Variants in SLC6A19 observed in about 807,000 individuals in gnomAD.
SLC6A19 encodes solute carrier family 6 member 19, also known as sodium-dependent neutral amino acid transporter B(0)AT1.
Under a neutral mutation model 68.3 loss-of-function variants are expected in SLC6A19, and 67 were observed. The observed-to-expected ratio is 0.98, with a 90% CI of 0.81 to 1.20. The LOEUF is 1.20. Ranked by LOEUF, SLC6A19 falls within the 50% of genes most tolerant of loss-of-function variation. The pLI is 0.00. For missense variants in SLC6A19, 813 were observed against 851.6 expected, an observed-to-expected ratio of 0.95 and a Z score of 0.56; for synonymous variants, 392 against 374.9, an observed-to-expected ratio of 1.05 and a Z score of -0.53.
intron 2 of SLC6A19, 140 bp from the exon 3 acceptor site, chr5:1,210,304 T>A: frequency 8.1e-7 from 1 of 1,235,130 alleles, no homozygotes; most frequent in East Asian, 2.5e-5. Flanking sequence ...CGGCCTGCAC[T>A]GGGTCGGCCC....
In SLC6A19 at chr5:1,213,990, C is replaced by G; in HGVS notation, c.812C>G (p.Ala271Gly). The change falls in exon 6 of 12, where the codon GCG becomes GGG. Residue 271 changes from alanine to glycine, a missense_variant. By Grantham distance (60) the Ala-to-Gly change is moderately conservative. Coordinates refer to ENST00000304460, the MANE Select transcript of SLC6A19 (RefSeq NM_001003841.3). ...GCCCAGCCGGACACCTGGCTGGACG[C>G]GGGCGCACAGGTCTTCTTCTCCTTC... ...ELAQPDTWLD[A>G]GAQVFFSFSL... 3 of 1,613,572 alleles carry G rather than the reference C, an allele frequency of 1.9e-6. No individual in the cohort carries two copies. The highest frequency in any genetic ancestry group is 2.5e-6 in the Non-Finnish European group (3 of 1,180,000).
At chr5:1,202,022 C>T (rs904716146) in intron 1 of SLC6A19, among the ~76,000 whole-genome samples, 170 bp downstream of exon 1, 6 of 152,192 alleles carry the variant, frequency 3.9e-5, no homozygotes, top group Non-Finnish European at 7.4e-5. Context: ...CCCCCGTGCC[C>T]GGTTCCTAGG....
intron 2 of SLC6A19, among the ~76,000 whole-genome samples, chr5:1,210,037 G>A (rs972674491): frequency 2.6e-5 from 4 of 152,228 alleles, no homozygotes; most frequent in African/African-American, 9.6e-5. Context: ...TTTGGGTCAG[G>A]GCCAAGTGGG....
chr5:1,201,764 G>T lies in SLC6A19; in HGVS notation c.114G>T (p.Lys38Asn). The change falls in exon 1 of 12, where the codon AAG (lysine) becomes AAT (asparagine). Residue 38 changes from lysine (K) to asparagine (N), a missense_variant. By Grantham distance (94) the Lys-to-Asn change is moderately conservative (BLOSUM62 0). Transcript: ENST00000304460. ...EASSRPKWDN[K>N]AQYMLTCLGF... is the part of the protein sequence containing the mutation. ...GCTCCCGGCCGAAGTGGGACAACAA[G>T]GCGCAGTACATGCTCACCTGCCTGG... 3.1e-6 allele frequency: 5 copies of T among 1,612,838 alleles called. No homozygotes were observed. Among genetic ancestry groups the T allele is most frequent in the Non-Finnish European group, 4.2e-6 (5 of 1,179,914 alleles).
rs753555488 is a variant in SLC6A19 at position 1,218,917 on chromosome 5, A to G, written c.1188A>G (p.Thr396=). 18 of 1,613,642 alleles carry G rather than the reference A, an allele frequency of 1.1e-5. No homozygotes were observed. The highest frequency in any genetic ancestry group is 1.5e-5 in the Non-Finnish European group (18 of 1,180,000). Residue 396 remains threonine (T), a synonymous_variant, in exon 9 of 12, where the codon ACA becomes ACG. Coordinates refer to ENST00000304460, the MANE Select transcript of SLC6A19 (RefSeq NM_001003841.3). ...NAFLSEAVEG[T]GLAFIVFTEA... is the part of the protein sequence containing the mutation. Reference sequence around the variant, plus strand: ...CATCCGTGCAGGCCGTGGAGGGCACAGGCCTGGCCTTCATCGTCTTCACCG... The same window carrying G: ...CATCCGTGCAGGCCGTGGAGGGCACGGGCCTGGCCTTCATCGTCTTCACCG...
rs375911265 is a variant in SLC6A19, at chr5:1,211,055, G to A, written c.481+474G>A. On this transcript the variant is annotated intron_variant, in intron 3 of 11. Transcript: ENST00000304460. ...GGAGCGTAGGGGGCAGACCCTCTAC[G>A]TGTGACATGCAATCAGCTCACGGCG... Among the ~76,000 whole-genome samples, 5 of 152,310 alleles carry A rather than the reference G, an allele frequency of 3.3e-5. No homozygotes were observed. In the South Asian group the frequency reaches 8.3e-4, roughly 25 times the overall value.
At chr5:1,218,442 C>G (rs1038401687) in intron 8 of SLC6A19, among the ~76,000 whole-genome samples, 1 of 152,236 alleles carries the variant, frequency 6.6e-6, no homozygotes, top group African/African-American at 2.4e-5. Flanking sequence ...GAGCAGAAGG[C>G]GTCCGGGTGG....
At position 1,214,011 on chromosome 5, in the gene SLC6A19, C is replaced by T. The variant is rs747819240; in HGVS notation, c.833C>T (p.Ser278Phe). 6.2e-7 allele frequency: 1 copy of T among 1,613,778 alleles called. No individual in the cohort carries two copies. Among genetic ancestry groups the T allele is most frequent in the South Asian group, 1.1e-5 (1 of 91,088 alleles). Residue 278 changes from serine to phenylalanine, a missense_variant, in exon 6 of 12, where the codon TCC (serine) becomes TTC (phenylalanine). Coordinates refer to ENST00000304460, the MANE Select transcript of SLC6A19 (RefSeq NM_001003841.3). The surrounding 1 kb of genome is among the most constrained non-coding windows in gnomAD (Gnocchi z 7.4). Reference protein sequence around the residue: ...WLDAGAQVFFSFSLAFGGLIS... With the variant: ...WLDAGAQVFFFFSLAFGGLIS... ...GACGCGGGCGCACAGGTCTTCTTCTCCTTCTCCCTGGCCTTCGGGGGCCTC... is the reference window on the plus strand; with the variant it reads ...GACGCGGGCGCACAGGTCTTCTTCTTCTTCTCCCTGGCCTTCGGGGGCCTC...
intron 1 of SLC6A19, among the ~76,000 whole-genome samples, chr5:1,206,462 G>A (rs1278237185): frequency 6.6e-6 from 1 of 152,132 alleles, no homozygotes; most frequent in African/African-American, 2.4e-5. Flanking sequence ...CATGTGCTGT[G>A]CCATCCCCTG....
intron 1 of SLC6A19, among the ~76,000 whole-genome samples, chr5:1,204,713 G>C (rs1369466529): frequency 6.6e-6 from 1 of 152,234 alleles, no homozygotes; most frequent in African/African-American, 2.4e-5. Context: ...TGGTGTCCGT[G>C]AGCGAGGTGG....
intron 1 of SLC6A19, among the ~76,000 whole-genome samples, chr5:1,202,193 G>A (rs372269259): frequency 2.6e-5 from 4 of 152,344 alleles, no homozygotes; most frequent in South Asian, 2.1e-4. Flanking sequence ...CTCGGAGGAC[G>A]CGGGGCTGGG....
intron 10 of SLC6A19, among the ~76,000 whole-genome samples, chr5:1,220,492 C>T (rs558275699): frequency 6.6e-6 from 1 of 152,114 alleles, no homozygotes; most frequent in African/African-American, 2.4e-5. Flanking sequence ...CTGCAGGCTC[C>T]CGGCTTGGGA....
At position 1,216,547 on chromosome 5, in the gene SLC6A19, C is replaced by G; in HGVS notation, c.888-11C>G. 5.6e-6 allele frequency: 9 copies of G among 1,614,042 alleles called. No individual in the cohort carries two copies. Among genetic ancestry groups the G allele is most frequent in the Non-Finnish European group, 7.6e-6 (9 of 1,180,026 alleles). On this transcript the variant is annotated splice_polypyrimidine_tract_variant and intron_variant, in intron 6 of 11. Transcript: ENST00000304460. ...CATCGCCAGCCGCCATGACACTGGT[C>G]TCGTCTGCAGCAACAACTGCGAGAA...
Position 1,209,216 on chromosome 5 carries a change from G to A in SLC6A19, c.343+330G>A, listed in dbSNP as rs1395392300. Among the ~76,000 whole-genome samples, 1 of 152,098 alleles carries A rather than the reference G, an allele frequency of 6.6e-6. No individual in the cohort carries two copies. The highest frequency in any genetic ancestry group is 2.4e-5 in the African/African-American group (1 of 41,412). ...CAGCGAGAGCCCAGGGCCCAGGAGG[G>A]GGCACCAGCCTCCTGTGTCCACTCC... is the stretch of plus-strand genomic sequence containing the variant. On this transcript the variant is annotated intron_variant, in intron 2 of 11. Coordinates refer to ENST00000304460, the MANE Select transcript of SLC6A19 (RefSeq NM_001003841.3). The surrounding 1 kb of genome is among the most constrained non-coding windows in gnomAD (Gnocchi z 5.5).
intron 1 of SLC6A19, among the ~76,000 whole-genome samples, chr5:1,205,193 G>A (rs1402416322): frequency 6.6e-6 from 1 of 152,222 alleles, no homozygotes; most frequent in Non-Finnish European, 1.5e-5. Context: ...ACCAGGCAGA[G>A]CCACGCAGTG....
Position 1,209,278 on chromosome 5 carries a change from C to A in SLC6A19, c.343+392C>A, listed in dbSNP as rs1341996591. On this transcript the variant is annotated intron_variant, in intron 2 of 11. Transcript: ENST00000304460. This position sits in a 1 kb window ranked among gnomAD's most constrained non-coding sequence, Gnocchi z 5.5. ...TGAGGAGGTCCCCAGCACTGACACC[C>A]CCAGACATAGTCACTCATTTATAAG... Among the ~76,000 whole-genome samples, 1 of 152,152 alleles carries A rather than the reference C, an allele frequency of 6.6e-6. No individual in the cohort carries two copies. Among genetic ancestry groups the A allele is most frequent in the African/African-American group, 2.4e-5 (1 of 41,436 alleles).
rs371351573 is a variant in SLC6A19, at chr5:1,222,690, GACACATATGGAC to G, written c.*801_*812del. 2 of 178,916 alleles carry G rather than the reference GACACATATGGAC, an allele frequency of 1.1e-5. No homozygotes were observed. Among genetic ancestry groups the G allele is most frequent in the African/African-American group, 2.4e-5 (1 of 42,434 alleles). The allele number at this position is 178,916 out of a possible 1,614,324, so 11.1% of individuals were successfully genotyped here. On this transcript the variant is annotated 3_prime_UTR_variant, in exon 12 of 12. Coordinates refer to ENST00000304460, the MANE Select transcript of SLC6A19 (RefSeq NM_001003841.3). The stretch of plus-strand genomic sequence containing the variant: ...ATGGACACGCATGGACACGCATATG[GACACATATGGAC>G]ACACATATGGACACGTGTGGATATG...
At position 1,219,607 on chromosome 5, in the gene SLC6A19, T is replaced by A; in HGVS notation, c.1481T>A (p.Leu494Gln). The A allele has an allele frequency of 1.2e-6, 2 of 1,610,976 alleles. No homozygotes were observed. The highest frequency in any genetic ancestry group is 1.7e-6 in the Non-Finnish European group (2 of 1,180,022). The change falls in exon 10 of 12, where the codon CTG becomes CAG. Residue 494 changes from leucine (L) to glutamine (Q), a missense_variant. By Grantham distance (113) the Leu-to-Gln change is moderately radical. Coordinates refer to ENST00000304460, the MANE Select transcript of SLC6A19 (RefSeq NM_001003841.3). The part of the protein sequence containing the change: ...LLDSYAGSIP[L>Q]LIIAFCEMFS... ...GACAGCTATGCCGGCTCCATTCCCCTGCTCATCATCGCCTTCTGCGAGATG... is the reference window on the plus strand; with the variant it reads ...GACAGCTATGCCGGCTCCATTCCCCAGCTCATCATCGCCTTCTGCGAGATG...
rs1201312430 is a variant in SLC6A19 at position 1,224,786 on chromosome 5, G to A, written c.*2882G>A. 1.3e-5 allele frequency: 2 copies of A among 152,512 alleles called. No homozygotes were observed. Among genetic ancestry groups the A allele is most frequent in the African/African-American group, 4.8e-5 (2 of 41,470 alleles). The allele number at this position is 152,512 out of a possible 1,614,324, so 9.4% of individuals were successfully genotyped here. A position where few individuals can be genotyped will look rare whatever the true frequency, so the allele number is the denominator to read the frequency against. The stretch of plus-strand genomic sequence containing the variant: ...CCCCAGAGTCCAGGGAGCACTGTGG[G>A]GAGCTCCTTAGAGCTGAACTCACCC... On this transcript the variant is annotated 3_prime_UTR_variant, in exon 12 of 12. Transcript: ENST00000304460.
Sources: allele counts gnomAD v4.1 joint callset (sites outside exome capture counted in the v4.1 genomes callset), GRCh38; gene constraint gnomAD v4.1.1; non-coding constraint Gnocchi (gnomAD v3.1); transcripts MANE v1.5; gene names NCBI Gene and HGNC (gene_info 2026-07-23, HGNC 2026-07-21).